FAM135B: variants seen among roughly 807,000 people sequenced by gnomAD.
The protein encoded by FAM135B is protein FAM135B.
In FAM135B, 43 loss-of-function variants were observed where a neutral mutation model predicts 127.7. The ratio of observed to expected loss-of-function variants is 0.34; its 90% CI spans 0.26 to 0.43. FAM135B has a LOEUF of 0.43. Among genes scored for constraint, FAM135B ranks in the 20% least tolerant of loss-of-function variants. FAM135B has a pLI of 1.00. For missense variants in FAM135B, 1,558 were observed against 1,725.6 expected, an observed-to-expected ratio of 0.90 and a Z score of 1.72; for synonymous variants, 670 against 665.1, an observed-to-expected ratio of 1.01 and a Z score of -0.11.
intron 3 of FAM135B, among the ~76,000 whole-genome samples, chr8:138,266,656 T>C (rs1360897277): frequency 6.7e-6 from 1 of 149,006 alleles, no homozygotes; most frequent in Non-Finnish European, 1.5e-5. Context: ...TACATATATA[T>C]ATATTATTCT....
At chr8:138,265,678 G>A (rs759025272) in intron 4 of FAM135B, 25 bp downstream of exon 4, 1 of 1,613,010 alleles carries the variant, frequency 6.2e-7, no homozygotes, top group Non-Finnish European at 8.5e-7. Flanking sequence ...AGCTACTTGT[G>A]GCTGGTGGTA....
chr8:138,154,101 G>T (rs982104371), intron 12 of FAM135B, among the ~76,000 whole-genome samples: 10 of 152,140 alleles, frequency 6.6e-5, no homozygotes, highest in Non-Finnish European at 1.5e-4. Flanking sequence ...CCAGTGGAAG[G>T]ATCAGGCAGC....
At chr8:138,175,241 G>A (rs189875278) in intron 11 of FAM135B, among the ~76,000 whole-genome samples, 1 of 152,272 alleles carries the variant, frequency 6.6e-6, no homozygotes, top group Non-Finnish European at 1.5e-5. Context: ...GCCCCACATG[G>A]ACTGGTCCCT....
At position 138,265,859 on chromosome 8, in the gene FAM135B, A is replaced by T. The variant is rs978627515; in HGVS notation, c.158-17T>A. On this transcript the variant is annotated splice_polypyrimidine_tract_variant and intron_variant, in intron 3 of 19. Transcript: ENST00000395297. ...TGCTGCTCTCTGCAAAACAAGAATC[A>T]GTAGGAACCCATGAACTCCAATACT... 1 of 1,611,726 alleles carries T rather than the reference A, an allele frequency of 6.2e-7. No homozygotes were observed. Among genetic ancestry groups the T allele is most frequent in the South Asian group, 1.1e-5 (1 of 90,996 alleles).
chr8:138,363,898 A>G (rs1434919426), intron 2 of FAM135B, among the ~76,000 whole-genome samples: 2 of 152,190 alleles, frequency 1.3e-5, no homozygotes, highest in African/African-American at 2.4e-5. Context: ...GGAAGACCAC[A>G]GTCAGGCTCA....
chr8:138,242,823 G>A lies in FAM135B; in HGVS notation c.669+119C>T. On this transcript the variant is annotated intron_variant, in intron 7 of 19. Transcript: ENST00000395297. The surrounding 1 kb of genome is among the most constrained non-coding windows in gnomAD (Gnocchi z 9.6). ...GGGGTGGGAAGATGGTGAAAGGAAG[G>A]GTCAAATTAGCAAAAATCTCTGAAG... 2 of 1,338,594 alleles carry A rather than the reference G, an allele frequency of 1.5e-6. No individual in the cohort carries two copies. The highest frequency in any genetic ancestry group is 2.0e-6 in the Non-Finnish European group (2 of 996,122). The allele number at this position is 1,338,594 out of a possible 1,614,324, so 82.9% of individuals were successfully genotyped here. A position where few individuals can be genotyped will look rare whatever the true frequency, so the allele number is the denominator to read the frequency against.
chr8:138,223,152 A>C (rs2130073618), intron 7 of FAM135B, among the ~76,000 whole-genome samples: 1 of 152,314 alleles, frequency 6.6e-6, no homozygotes, highest in South Asian at 2.1e-4. Flanking sequence ...CCGAAATGTC[A>C]GTGGTGATTT....
At chr8:138,447,627 G>A (rs1204677570) in intron 1 of FAM135B, among the ~76,000 whole-genome samples, 3 of 151,412 alleles carry the variant, frequency 2.0e-5, no homozygotes, top group African/African-American at 7.3e-5. Context: ...ACACAGGAAG[G>A]GGGACATGAC....
intron 1 of FAM135B, among the ~76,000 whole-genome samples, chr8:138,374,799 C>T (rs540687030): frequency 1.3e-5 from 2 of 152,294 alleles, no homozygotes; most frequent in East Asian, 3.9e-4. Context: ...AGTCCAGGCA[C>T]AGGGTTCTGA....
At chr8:138,163,241 G>T (rs1427234416) in intron 12 of FAM135B, among the ~76,000 whole-genome samples, 1 of 152,124 alleles carries the variant, frequency 6.6e-6, no homozygotes, top group Admixed American at 6.6e-5. Context: ...ATAATTGTTA[G>T]GGGGAAAGAC....
intron 1 of FAM135B, among the ~76,000 whole-genome samples, chr8:138,485,943 T>G (rs919613078): frequency 2.0e-5 from 3 of 151,832 alleles, no homozygotes; most frequent in Non-Finnish European, 4.4e-5. Context: ...GCTATCTGAG[T>G]AGAAGGTGGG....
chr8:138,177,586 A>C (rs1244714985), intron 10 of FAM135B, among the ~76,000 whole-genome samples, 166 bp from the exon 11 acceptor site: 1 of 152,088 alleles, frequency 6.6e-6, no homozygotes, highest in Admixed American at 6.5e-5. Flanking sequence ...ATTCCTCCAA[A>C]CTGATCTCTC....
In FAM135B at chr8:138,243,414, G is replaced by A. The variant is rs1019726594; in HGVS notation, c.543-346C>T. On this transcript the variant is annotated intron_variant, in intron 6 of 19. Transcript: ENST00000395297. The surrounding 1 kb of genome is among the most constrained non-coding windows in gnomAD (Gnocchi z 7.5). ...GGCATGGGCTCCGAAAATTTCAGGG[G>A]CAACTCTGACCAGACAAGGTCTGAG... Among the ~76,000 whole-genome samples, 1 of 152,156 alleles carries A rather than the reference G, an allele frequency of 6.6e-6. No individual in the cohort carries two copies. Among genetic ancestry groups the A allele is most frequent in the African/African-American group, 2.4e-5 (1 of 41,438 alleles).
At chr8:138,492,006 T>C (rs1815223475) in intron 1 of FAM135B, among the ~76,000 whole-genome samples, 2 of 151,874 alleles carry the variant, frequency 1.3e-5, no homozygotes, top group Admixed American at 6.6e-5. Context: ...TTGCAGGTCA[T>C]GGGAAATGCT....
chr8:138,298,103 C>T (rs1486176227), intron 3 of FAM135B, among the ~76,000 whole-genome samples: 1 of 152,126 alleles, frequency 6.6e-6, no homozygotes, highest in Admixed American at 6.6e-5. Context: ...AAACAGGGAC[C>T]TATTCATATA....
intron 15 of FAM135B, among the ~76,000 whole-genome samples, chr8:138,143,689 T>C (rs1465145645): frequency 1.3e-5 from 2 of 152,218 alleles, no homozygotes; most frequent in Non-Finnish European, 2.9e-5. Context: ...ATATATTAGA[T>C]TGGTTTCTAT....
intron 1 of FAM135B, among the ~76,000 whole-genome samples, chr8:138,495,094 C>G (rs912522800): frequency 2.0e-5 from 3 of 152,188 alleles, no homozygotes; most frequent in African/African-American, 7.2e-5. Context: ...TAATGATTTG[C>G]CAATCTGAGG....
In FAM135B at chr8:138,242,635, G is replaced by A. The variant is rs539953199; in HGVS notation, c.669+307C>T. The stretch of plus-strand genomic sequence containing the variant: ...ACATGGCCTTCAACGTTATCACATA[G>A]TCTGAGTGGCCCCCTCACAGCACAG... On this transcript the variant is annotated intron_variant, in intron 7 of 19. Coordinates refer to ENST00000395297, the MANE Select transcript of FAM135B (RefSeq NM_015912.4). This position sits in a 1 kb window ranked among gnomAD's most constrained non-coding sequence, Gnocchi z 9.6. Among the ~76,000 whole-genome samples the A allele has an allele frequency of 1.4e-4, 21 of 152,248 alleles. No individual in the cohort carries two copies. The highest frequency in any genetic ancestry group is 2.5e-4 in the Non-Finnish European group (17 of 68,022).
At chr8:138,427,041 A>G (rs1344734361) in intron 1 of FAM135B, among the ~76,000 whole-genome samples, 1 of 152,028 alleles carries the variant, frequency 6.6e-6, no homozygotes, top group African/African-American at 2.4e-5. Context: ...AAGAAGCCAA[A>G]CAGAAAAAAT....
Sources: allele counts gnomAD v4.1 joint callset (sites outside exome capture counted in the v4.1 genomes callset), GRCh38; gene constraint gnomAD v4.1.1; non-coding constraint Gnocchi (gnomAD v3.1); transcripts MANE v1.5; gene names NCBI Gene and HGNC (gene_info 2026-07-23, HGNC 2026-07-21).